Variants in IARS2 observed in about 807,000 individuals in gnomAD.
IARS2 encodes isoleucine--tRNA ligase, mitochondrial.
IARS2 carries 56 observed loss-of-function variants against 126.3 expected under a neutral mutation model. That is an observed-to-expected ratio of 0.44 (90% CI 0.36 to 0.55). IARS2 has a LOEUF of 0.55. IARS2 is among the 20% of genes least tolerant of loss of function. The pLI, the probability that IARS2 is intolerant of heterozygous loss-of-function variation, is 0.00. For synonymous variants in IARS2, 407 were observed against 441.1 expected (o/e 0.92, Z 0.97); for missense variants, 1,127 against 1,245.9 (o/e 0.90, Z 1.44).
intron 2 of IARS2, among the ~76,000 whole-genome samples, chr1:220,097,618 C>T (rs1656474273): frequency 6.6e-6 from 1 of 152,088 alleles, no homozygotes; most frequent in Non-Finnish European, 1.5e-5. Context: ...CCGCCTCTGC[C>T]TCCCAAAGTG....
chr1:220,136,765 T>C, intron 15 of IARS2, 44 bp from the exon 16 acceptor site: 1 of 1,026,400 alleles, frequency 9.7e-7, no homozygotes, highest in Non-Finnish European at 1.5e-6. Context: ...AAAAAGATAA[T>C]TATAATTGTG....
At chr1:220,144,065 A>G in intron 21 of IARS2, 1 of 1,242,248 alleles carries the variant, frequency 8.0e-7, no homozygotes, top group African/African-American at 1.5e-5. Context: ...AACTGGCGGG[A>G]TGGAAGCAGA....
intron 13 of IARS2, 92 bp downstream of exon 13, chr1:220,125,431 T>C: frequency 1.3e-6 from 1 of 757,360 alleles, no homozygotes; most frequent in South Asian, 1.7e-5. Context: ...AATTATCTTA[T>C]GTAAAGTTAA....
intron 14 of IARS2, 112 bp from the exon 15 acceptor site, chr1:220,134,290 G>A (rs1193025589): frequency 2.8e-6 from 2 of 712,524 alleles, no homozygotes; most frequent in Non-Finnish European, 4.4e-6. Flanking sequence ...TTTCTCTATT[G>A]TAAAGTTACT....
intron 10 of IARS2, among the ~76,000 whole-genome samples, chr1:220,109,009 T>C (rs1015248748): frequency 6.6e-6 from 1 of 152,080 alleles, no homozygotes; most frequent in African/African-American, 2.4e-5. Flanking sequence ...CAGTACGTTT[T>C]AAGCCAGTAT....
chr1:220,134,182 G>T (rs901888155), intron 14 of IARS2, among the ~76,000 whole-genome samples: 4 of 152,128 alleles, frequency 2.6e-5, no homozygotes, highest in African/African-American at 9.7e-5. Flanking sequence ...GTTTATTTCA[G>T]TACATCATTT....
intron 10 of IARS2, among the ~76,000 whole-genome samples, chr1:220,107,591 T>C (rs1239180226): frequency 2.0e-5 from 3 of 152,234 alleles, no homozygotes; most frequent in Non-Finnish European, 2.9e-5. Flanking sequence ...GACCAAGTGC[T>C]ATGAAAACCT....
Position 220,094,153 on chromosome 1 carries a change from T to TG in IARS2, c.-60dup. Reference sequence around the variant, plus strand: ...TCTTACTCGGCTCCCCTTGGTTTCCTGGGGTCCTGCCCCTTCAAGCTGGGG... The same window carrying TG: ...TCTTACTCGGCTCCCCTTGGTTTCCTGGGGGTCCTGCCCCTTCAAGCTGGGG... On this transcript the variant is annotated 5_prime_UTR_variant, in exon 1 of 23. Coordinates refer to ENST00000366922, the MANE Select transcript of IARS2 (RefSeq NM_018060.4). 1 of 1,371,504 alleles carries TG rather than the reference T, an allele frequency of 7.3e-7. No homozygotes were observed. The highest frequency in any genetic ancestry group is 9.5e-7 in the Non-Finnish European group (1 of 1,053,242). 85.0% of individuals were successfully genotyped at this position (1,371,504 alleles called of 1,614,324 possible). A position where few individuals can be genotyped will look rare whatever the true frequency, so the allele number is the denominator to read the frequency against.
intron 7 of IARS2, among the ~76,000 whole-genome samples, 178 bp downstream of exon 7, chr1:220,102,955 A>G (rs1388344476): frequency 6.6e-6 from 1 of 152,174 alleles, no homozygotes; most frequent in Non-Finnish European, 1.5e-5. Context: ...GACCTTATCC[A>G]GCTTTTCGGG....
chr1:220,118,324 C>T (rs540600495), intron 12 of IARS2: 2 of 288,198 alleles, frequency 6.9e-6, no homozygotes, highest in Admixed American at 5.2e-5. Context: ...AAGAAAGTCT[C>T]GATTTATTCA....
intron 13 of IARS2, among the ~76,000 whole-genome samples, 191 bp from the exon 14 acceptor site, chr1:220,126,559 C>T (rs1204859585): frequency 6.6e-6 from 1 of 152,096 alleles, no homozygotes; most frequent in East Asian, 1.9e-4. Flanking sequence ...AATTCAGTGG[C>T]CACAGATACT....
intron 10 of IARS2, among the ~76,000 whole-genome samples, 170 bp from the exon 11 acceptor site, chr1:220,110,616 A>C (rs1033388334): frequency 6.6e-6 from 1 of 152,094 alleles, no homozygotes; most frequent in African/African-American, 2.4e-5. Context: ...TGCCTGCCTC[A>C]GCCTCGCAAA....
In IARS2 at chr1:220,129,833, G is replaced by C. The variant is rs1657223578; in HGVS notation, c.1837+2990G>C. ...ATAAACATGGAGATGCAGGTATCCT[G>C]TGGATATGCTGATTTTATTTCCTTT... On this transcript the variant is annotated intron_variant, in intron 14 of 22. Transcript: ENST00000366922. Among the ~76,000 whole-genome samples the C allele has an allele frequency of 2.6e-5, 4 of 152,290 alleles. No homozygotes were observed. The South Asian group carries it at 8.3e-4, about 32-fold the overall frequency.
chr1:220,117,561 T>G (rs1179726998), intron 12 of IARS2, among the ~76,000 whole-genome samples: 1 of 151,970 alleles, frequency 6.6e-6, no homozygotes, highest in Non-Finnish European at 1.5e-5. Context: ...GTGATTGAGG[T>G]GGGTGGGGAT....
chr1:220,147,784 G>C lies in IARS2; in HGVS notation c.*149G>C, dbSNP rs544802017. On this transcript the variant is annotated 3_prime_UTR_variant, in exon 23 of 23. Coordinates refer to ENST00000366922, the MANE Select transcript of IARS2 (RefSeq NM_018060.4). ...GATGGGAGTCAAAATCAGAATTATA[G>C]AAGAAGTATTTCCTGTAACTATAGA... 86 of 684,424 alleles carry C rather than the reference G, an allele frequency of 1.3e-4. No individual in the cohort carries two copies. Among genetic ancestry groups the C allele is most frequent in the Non-Finnish European group, 1.9e-4 (78 of 409,890 alleles). 42.4% of individuals were successfully genotyped at this position (684,424 alleles called of 1,614,324 possible).
intron 11 of IARS2, among the ~76,000 whole-genome samples, chr1:220,113,132 T>C (rs1354284445): frequency 6.6e-6 from 1 of 152,182 alleles, no homozygotes; most frequent in Non-Finnish European, 1.5e-5. Context: ...CCCAAAGTGC[T>C]GGGATTACAG....
At chr1:220,096,537 G>T (rs1005900679) in intron 2 of IARS2, among the ~76,000 whole-genome samples, 4 of 152,208 alleles carry the variant, frequency 2.6e-5, no homozygotes, top group South Asian at 2.1e-4. Flanking sequence ...TATGGCTCAT[G>T]CCTGTAATCA....
intron 21 of IARS2, 61 bp from the exon 22 acceptor site, chr1:220,145,448 A>C: frequency 4.0e-6 from 6 of 1,483,390 alleles, no homozygotes; most frequent in Non-Finnish European, 5.5e-6. Context: ...GTTTCTTTTT[A>C]TAACCTCAGT....
chr1:220,102,038 AG>A, intron 3 of IARS2, 90 bp from the exon 4 acceptor site: 1 of 1,240,412 alleles, frequency 8.1e-7, no homozygotes, highest in Middle Eastern at 2.7e-4. Flanking sequence ...AACTGTCTGT[AG>A]CATTTGCATT....
Sources: gnomAD v4.1 joint callset for allele counts (sites outside exome capture counted in the v4.1 genomes callset) on GRCh38, gnomAD v4.1.1 for gene constraint, MANE v1.5 for transcripts, NCBI Gene and HGNC (gene_info 2026-07-23, HGNC 2026-07-21) for gene names.